The following NKAIN3 variants were observed in gnomAD, a reference collection of about 807,000 sequenced individuals.
The protein encoded by NKAIN3 is sodium/potassium transporting ATPase interacting 3.
Under a neutral mutation model 30.2 loss-of-function variants are expected in NKAIN3, and 25 were observed. That is an observed-to-expected ratio of 0.83 (90% CI 0.60 to 1.16). NKAIN3 has a LOEUF of 1.16. Among genes scored for constraint, NKAIN3 ranks in the 50% most tolerant of loss-of-function variants. The pLI, the probability that NKAIN3 is intolerant of heterozygous loss-of-function variation, is 0.00. For synonymous variants in NKAIN3, 91 were observed against 89.6 expected (o/e 1.02, Z -0.09); for missense variants, 225 against 254.1 (o/e 0.89, Z 0.78).
chr8:62,546,163 T>C (rs1340264096), intron 1 of NKAIN3, among the ~76,000 whole-genome samples: 2 of 152,196 alleles, frequency 1.3e-5, no homozygotes, highest in African/African-American at 2.4e-5. Context: ...CTTGTCTTAT[T>C]CTTACCTTTG....
intron 5 of NKAIN3, among the ~76,000 whole-genome samples, chr8:62,919,226 AATTTTTTTT>A (rs1822200033): frequency 1.1e-5 from 1 of 88,452 alleles, no homozygotes; most frequent in African/African-American, 4.9e-5. Context: ...TTACTTTCAA[AATTTTTTTT>A]TTTTTTTTTT....
intron 3 of NKAIN3, among the ~76,000 whole-genome samples, chr8:62,620,911 AG>A (rs11292410): frequency 0.2 from 30,707 of 152,122 alleles, 3,244 homozygotes; most frequent in East Asian, 0.33. Flanking sequence ...ACTGTCTGAA[AG>A]GTCAGGTAAA....
chr8:62,875,436 A>G (rs906670656), intron 4 of NKAIN3, among the ~76,000 whole-genome samples: 2 of 152,228 alleles, frequency 1.3e-5, no homozygotes, highest in African/African-American at 4.8e-5. Flanking sequence ...ATTCCCATCA[A>G]ACCACAATTG....
chr8:62,783,871 C>T (rs985616449), intron 4 of NKAIN3, among the ~76,000 whole-genome samples: 5 of 151,918 alleles, frequency 3.3e-5, no homozygotes, highest in Admixed American at 3.3e-4. Context: ...TCTCAAACTC[C>T]TGAGCTCAAG....
intron 1 of NKAIN3, among the ~76,000 whole-genome samples, chr8:62,429,398 A>G (rs1304625437): frequency 6.6e-6 from 1 of 151,810 alleles, no homozygotes; most frequent in African/African-American, 2.4e-5. Context: ...TATTAATGTG[A>G]TTTATTACAG....
intron 3 of NKAIN3, among the ~76,000 whole-genome samples, chr8:62,668,657 T>G (rs1050011405): frequency 2.0e-5 from 3 of 152,128 alleles, no homozygotes; most frequent in Non-Finnish European, 2.9e-5. Flanking sequence ...ACCCTGACTA[T>G]TGACATGCCT....
chr8:62,718,375 G>T (rs530019057), intron 3 of NKAIN3, among the ~76,000 whole-genome samples: 88 of 152,286 alleles, frequency 5.8e-4, no homozygotes, highest in Non-Finnish European at 1.1e-3. Context: ...CCAGTACTTT[G>T]TTTCCAGAAT....
chr8:62,909,955 C>A (rs923197796), intron 4 of NKAIN3, among the ~76,000 whole-genome samples: 1 of 151,990 alleles, frequency 6.6e-6, no homozygotes, highest in Admixed American at 6.6e-5. Flanking sequence ...ATATTAAGGT[C>A]CATTAGTGAA....
intron 1 of NKAIN3, 43 bp from the exon 2 acceptor site, chr8:62,579,496 A>T: frequency 6.6e-7 from 1 of 1,507,984 alleles, no homozygotes; most frequent in African/African-American, 1.4e-5. Context: ...TAGTATGATG[A>T]TGCTTGGATT....
At position 62,980,158 on chromosome 8, in the gene NKAIN3, T is replaced by C. The variant is rs1413048244; in HGVS notation, c.*14751T>C. The stretch of plus-strand genomic sequence containing the variant: ...GCCCTAGACAAGCCTCCTGATGATT[T>C]TTCATCAAACATGAAAATAGCTTAC... On this transcript the variant is annotated 3_prime_UTR_variant, in exon 7 of 7. Coordinates refer to ENST00000623646, the MANE Select transcript of NKAIN3 (RefSeq NM_001304533.3). 1 of 152,216 alleles carries C rather than the reference T, an allele frequency of 6.6e-6. No individual in the cohort carries two copies. The allele number at this position is 152,216 out of a possible 1,614,324, so 9.4% of individuals were successfully genotyped here.
chr8:62,561,560 T>C (rs1365556007), intron 1 of NKAIN3, among the ~76,000 whole-genome samples: 1 of 152,144 alleles, frequency 6.6e-6, no homozygotes, highest in Non-Finnish European at 1.5e-5. Flanking sequence ...GGCCATACTG[T>C]GGTGTAAAAA....
chr8:62,403,981 A>T (rs962454763), intron 1 of NKAIN3, among the ~76,000 whole-genome samples: 2 of 152,252 alleles, frequency 1.3e-5, no homozygotes, highest in Non-Finnish European at 2.9e-5. Flanking sequence ...AGGCCATGGG[A>T]GCCCACCTCT....
chr8:62,717,560 G>A (rs1814948561), intron 3 of NKAIN3, among the ~76,000 whole-genome samples: 1 of 151,776 alleles, frequency 6.6e-6, no homozygotes, highest in African/African-American at 2.4e-5. Flanking sequence ...TTGATCAAGT[G>A]CTAATTTTGA....
intron 4 of NKAIN3, among the ~76,000 whole-genome samples, chr8:62,867,099 G>GAAA (rs10562561): frequency 7.7e-6 from 1 of 130,054 alleles, no homozygotes; most frequent in Non-Finnish European, 1.6e-5. Flanking sequence ...TTTGTTTCCA[G>GAAA]AAAAAAAAAA....
intron 1 of NKAIN3, among the ~76,000 whole-genome samples, chr8:62,415,922 T>C (rs1804431357): frequency 6.6e-6 from 1 of 151,948 alleles, no homozygotes; most frequent in African/African-American, 2.4e-5. Context: ...CATGCCCAGC[T>C]AATTTTTTGT....
intron 4 of NKAIN3, among the ~76,000 whole-genome samples, chr8:62,803,510 G>A (rs571194040): frequency 1.3e-5 from 2 of 152,232 alleles, no homozygotes; most frequent in South Asian, 4.1e-4. Context: ...GCTCCTGAAT[G>A]ACTACTGGGT....
chr8:62,921,849 A>G (rs1357882216), intron 5 of NKAIN3, among the ~76,000 whole-genome samples: 1 of 152,216 alleles, frequency 6.6e-6, no homozygotes, highest in Non-Finnish European at 1.5e-5. Context: ...TACTTGTTAG[A>G]CTTTCCAGAA....
chr8:62,874,762 A>G (rs937350477), intron 4 of NKAIN3, among the ~76,000 whole-genome samples: 2 of 152,220 alleles, frequency 1.3e-5, no homozygotes, highest in African/African-American at 4.8e-5. Context: ...GATAAAATTC[A>G]ACATCACTTC....
intron 1 of NKAIN3, among the ~76,000 whole-genome samples, chr8:62,448,078 A>G (rs1381382619): frequency 6.6e-6 from 1 of 151,988 alleles, no homozygotes; most frequent in Non-Finnish European, 1.5e-5. Flanking sequence ...GTTAATAATT[A>G]GGTATAATTT....
Sources: allele counts gnomAD v4.1 joint callset (sites outside exome capture counted in the v4.1 genomes callset), GRCh38; gene constraint gnomAD v4.1.1; transcripts MANE v1.5; gene names NCBI Gene and HGNC (gene_info 2026-07-23, HGNC 2026-07-21).